The following MTSS2 variants were observed in gnomAD, a reference collection of about 807,000 sequenced individuals.
MTSS2 encodes protein MTSS 2.
Under a neutral mutation model 67.1 loss-of-function variants are expected in MTSS2, and 27 were observed. The observed-to-expected ratio is 0.40, with a 90% confidence interval of 0.30 to 0.55. The LOEUF (loss-of-function observed/expected upper bound fraction) is 0.55, where lower values mean the gene tolerates loss of function less well. MTSS2 is among the 20% of genes least tolerant of loss of function. MTSS2 has a pLI of 0.43. For missense variants in MTSS2, 1,171 were observed against 1,067.8 expected (o/e 1.10, Z -1.35); for synonymous variants, 624 against 468.6 (o/e 1.33, Z -4.28).
In MTSS2 at chr16:70,663,467, C is replaced by G; in HGVS notation, c.*210G>C. 1.1e-6 allele frequency: 1 copy of G among 916,784 alleles called. No homozygotes were observed. The highest frequency in any genetic ancestry group is 1.6e-6 in the Non-Finnish European group (1 of 640,434). 56.8% of individuals were successfully genotyped at this position (916,784 alleles called of 1,614,324 possible). On this transcript the variant is annotated 3_prime_UTR_variant, in exon 15 of 15. Coordinates refer to ENST00000338779, the MANE Select transcript of MTSS2 (RefSeq NM_138383.3). ...AAACAGACCCCGAACCAGGCCCAGG[C>G]CTGCAGGCTCCGTCCTGGCCAGGCT...
At chr16:70,684,369 G>A (rs1453636710) in intron 1 of MTSS2, among the ~76,000 whole-genome samples, 1 of 152,080 alleles carries the variant, frequency 6.6e-6, no homozygotes, top group East Asian at 1.9e-4. Flanking sequence ...TGCACCATGA[G>A]GGGCAGGGGG....
At chr16:70,682,517 G>A (rs767039806) in intron 1 of MTSS2, among the ~76,000 whole-genome samples, 1 of 152,086 alleles carries the variant, frequency 6.6e-6, no homozygotes, top group Admixed American at 6.5e-5. Flanking sequence ...TAGCCCCTGA[G>A]CAGCCCTGGG....
chr16:70,674,679 G>A (rs988861787), intron 10 of MTSS2, 151 bp from the exon 11 acceptor site: 5 of 702,378 alleles, frequency 7.1e-6, no homozygotes, highest in Non-Finnish European at 1.2e-5. Context: ...AGACCCAGGT[G>A]CTACACAGGA....
At chr16:70,679,590 G>T (rs1181338148) in intron 6 of MTSS2, 40 bp downstream of exon 6, 9 of 1,556,980 alleles carry the variant, frequency 5.8e-6, no homozygotes, top group Non-Finnish European at 7.8e-6. Context: ...TGTGGAGCGG[G>T]GCCGTGGGGC....
rs2052526774 is a variant in MTSS2, at chr16:70,662,592, A to G, written c.*1085T>C. 1 of 152,372 alleles carries G rather than the reference A, an allele frequency of 6.6e-6. No homozygotes were observed. The allele number at this position is 152,372 out of a possible 1,614,324, so 9.4% of individuals were successfully genotyped here. ...TTTGGCTACGCTCGAGACACTGGAG[A>G]GAACAGTAGCTTCCACCGGGCTCTG... On this transcript the variant is annotated 3_prime_UTR_variant, in exon 15 of 15. Transcript: ENST00000338779.
rs1265748407 is a variant in MTSS2 at position 70,661,329 on chromosome 16, C to T, written c.*2348G>A. On this transcript the variant is annotated 3_prime_UTR_variant, in exon 15 of 15. Coordinates refer to ENST00000338779, the MANE Select transcript of MTSS2 (RefSeq NM_138383.3). Reference sequence around the variant, plus strand: ...GGCGGGGAGGAGAGGAGAATTTTTCCAAAATCTGACGGAAAGAAAAGAAAC... The same window carrying T: ...GGCGGGGAGGAGAGGAGAATTTTTCTAAAATCTGACGGAAAGAAAAGAAAC... 2.4e-6 allele frequency: 1 copy of T among 417,616 alleles called. No homozygotes were observed. Among genetic ancestry groups the T allele is most frequent in the Non-Finnish European group, 4.6e-6 (1 of 217,754 alleles). 25.9% of individuals were successfully genotyped at this position (417,616 alleles called of 1,614,324 possible).
chr16:70,663,756 T>G lies in MTSS2; in HGVS notation c.2165A>C (p.Asp722Ala), dbSNP rs764507151. 6.4e-7 allele frequency: 1 copy of G among 1,555,716 alleles called. No homozygotes were observed. Among genetic ancestry groups the G allele is most frequent in the East Asian group, 2.4e-5 (1 of 41,902 alleles). Reference sequence around the variant, plus strand: ...CCCACGCCGGATGGCCACCAGCATGTCTTCGGCCGGGGGGTCGCTGGTGGC... The same window carrying G: ...CCCACGCCGGATGGCCACCAGCATGGCTTCGGCCGGGGGGTCGCTGGTGGC... Reference protein sequence around the residue: ...PAATSDPPAEDMLVAIRRGVR... With the variant: ...PAATSDPPAEAMLVAIRRGVR... Residue 722 changes from aspartate to alanine, a missense_variant, in exon 15 of 15, where the codon GAC (aspartate) becomes GCC (alanine). Asp to Ala is a moderately radical substitution (Grantham distance 126). Transcript: ENST00000338779.
intron 11 of MTSS2, among the ~76,000 whole-genome samples, chr16:70,670,787 G>A (rs532500961): frequency 2.0e-5 from 3 of 151,824 alleles, no homozygotes; most frequent in East Asian, 1.9e-4. Context: ...AACATAGTGA[G>A]ACCCCCATCT....
intron 7 of MTSS2, 152 bp downstream of exon 7, chr16:70,679,163 G>A: frequency 1.1e-6 from 1 of 930,960 alleles, no homozygotes; most frequent in South Asian, 1.5e-5. Flanking sequence ...GCCCCAGGGG[G>A]ACTGTGCCCC....
intron 6 of MTSS2, 114 bp from the exon 7 acceptor site, chr16:70,679,437 C>G: frequency 1.5e-6 from 2 of 1,373,668 alleles, no homozygotes. Context: ...CTCCTGCTGC[C>G]TCCCATAGGG....
Position 70,664,370 on chromosome 16 carries a change from G to A in MTSS2, c.1551C>T (p.Ile517=). 1 of 1,587,010 alleles carries A rather than the reference G, an allele frequency of 6.3e-7. No individual in the cohort carries two copies. Among genetic ancestry groups the A allele is most frequent in the Non-Finnish European group, 8.5e-7 (1 of 1,169,748 alleles). Residue 517 remains isoleucine, a synonymous_variant, in exon 15 of 15, where the codon ATC becomes ATT. Transcript: ENST00000338779. Reference sequence around the variant, plus strand: ...TCTGGGCGATGTTGCTGTTGCGCGGGATGGTGGATGACTTGTCAAACTCGG... The same window carrying A: ...TCTGGGCGATGTTGCTGTTGCGCGGAATGGTGGATGACTTGTCAAACTCGG... ...GPPEFDKSST[I]PRNSNIAQNY...
intron 11 of MTSS2, 155 bp from the exon 12 acceptor site, chr16:70,665,695 C>T (rs1009984337): frequency 2.3e-5 from 14 of 616,208 alleles, no homozygotes; most frequent in Middle Eastern, 4.2e-4. Flanking sequence ...CCCAGGGCCA[C>T]GGCCGCTGAG....
In MTSS2 at chr16:70,663,770, G is replaced by A. The variant is rs1282080124; in HGVS notation, c.2151C>T (p.Asp717=). ...TPTPPPAATS[D]PPAEDMLVAI... Reference sequence around the variant, plus strand: ...CCACCAGCATGTCTTCGGCCGGGGGGTCGCTGGTGGCGGCTGGGGGTGGGG... The same window carrying A: ...CCACCAGCATGTCTTCGGCCGGGGGATCGCTGGTGGCGGCTGGGGGTGGGG... Residue 717 remains aspartate (D), a synonymous_variant, in exon 15 of 15, where the codon GAC becomes GAT. Transcript: ENST00000338779. 6.5e-7 allele frequency: 1 copy of A among 1,528,878 alleles called. No homozygotes were observed. The highest frequency in any genetic ancestry group is 8.8e-7 in the Non-Finnish European group (1 of 1,140,004). 94.7% of individuals were successfully genotyped at this position (1,528,878 alleles called of 1,614,324 possible). A position where few individuals can be genotyped will look rare whatever the true frequency, so the allele number is the denominator to read the frequency against.
At chr16:70,683,645 G>A (rs904655573) in intron 1 of MTSS2, among the ~76,000 whole-genome samples, 1 of 152,218 alleles carries the variant, frequency 6.6e-6, no homozygotes, top group African/African-American at 2.4e-5. Context: ...ATCTGACCTT[G>A]GCCCCCGCTC....
Position 70,664,222 on chromosome 16 carries a change from T to TGCG in MTSS2, c.1696_1698dup (p.Arg566dup), listed in dbSNP as rs1162725260. On this transcript the variant is annotated inframe_insertion, in exon 15 of 15. Transcript: ENST00000338779. ...CGCACGGTGGGCTTGGTGGAGGGTG[T>TGCG]GCGGCGGATGGTGGCCACGCCGGGG... The TGCG allele has an allele frequency of 6.3e-7, 1 of 1,579,470 alleles. No individual in the cohort carries two copies. The highest frequency in any genetic ancestry group is 8.6e-7 in the Non-Finnish European group (1 of 1,168,130).
chr16:70,664,375 T>C lies in MTSS2; in HGVS notation c.1546A>G (p.Thr516Ala). ...EGPPEFDKSS[T>A]IPRNSNIAQN... is the part of the protein sequence containing the mutation. ...GCGATGTTGCTGTTGCGCGGGATGG[T>C]GGATGACTTGTCAAACTCGGGCGGG... The change falls in exon 15 of 15, where the codon ACC (threonine) becomes GCC (alanine). Residue 516 changes from threonine (T) to alanine (A), a missense_variant. Thr to Ala is a moderately conservative substitution (Grantham distance 58). Transcript: ENST00000338779. 6.3e-7 allele frequency: 1 copy of C among 1,581,822 alleles called. No homozygotes were observed. Among genetic ancestry groups the C allele is most frequent in the Non-Finnish European group, 8.6e-7 (1 of 1,167,780 alleles).
intron 11 of MTSS2, among the ~76,000 whole-genome samples, chr16:70,666,536 G>C (rs1410948204): frequency 6.6e-6 from 1 of 152,212 alleles, no homozygotes; most frequent in East Asian, 1.9e-4. Context: ...GTTGGCCTGG[G>C]AATGAGCCAA....
chr16:70,665,422 G>C, intron 12 of MTSS2, 44 bp downstream of exon 12: 4 of 1,527,316 alleles, frequency 2.6e-6, no homozygotes, highest in Non-Finnish European at 3.5e-6. Context: ...ATGGATGGGA[G>C]GGGCAGCTGG....
rs1337251915 is a variant in MTSS2, at chr16:70,661,730, G to C, written c.*1947C>G. 1 of 221,384 alleles carries C rather than the reference G, an allele frequency of 4.5e-6. No individual in the cohort carries two copies. The highest frequency in any genetic ancestry group is 2.4e-5 in the African/African-American group (1 of 42,302). The allele number at this position is 221,384 out of a possible 1,614,324, so 13.7% of individuals were successfully genotyped here. ...GGGGAGGGGGACGGCGGAGTCGGTG[G>C]GGGCTGTGCCACACGAGCCCCCCTC... is the stretch of plus-strand genomic sequence containing the variant. On this transcript the variant is annotated 3_prime_UTR_variant, in exon 15 of 15. Transcript: ENST00000338779.
Sources: gnomAD v4.1 joint callset for allele counts (sites outside exome capture counted in the v4.1 genomes callset) on GRCh38, gnomAD v4.1.1 for gene constraint, MANE v1.5 for transcripts, NCBI Gene and HGNC (gene_info 2026-07-23, HGNC 2026-07-21) for gene names.